NALF1: variants seen among roughly 807,000 people sequenced by gnomAD.
NALF1 encodes NALCN channel auxiliary factor 1.
NALF1 carries 3 observed loss-of-function variants against 48.4 expected under a neutral mutation model. The observed-to-expected ratio is 0.06, with a 90% CI of 0.03 to 0.16. The LOEUF is 0.16. Ranked by LOEUF, NALF1 falls within the 10% of genes least tolerant of loss-of-function variation. NALF1 has a pLI of 1.00. For synonymous variants in NALF1, 262 were observed against 245.7 expected, an observed-to-expected ratio of 1.07 and a Z score of -0.62; for missense variants, 526 against 571.5, an observed-to-expected ratio of 0.92 and a Z score of 0.81.
chr13:107,504,362 A>G (rs1169605452), intron 1 of NALF1, among the ~76,000 whole-genome samples: 1 of 152,002 alleles, frequency 6.6e-6, no homozygotes, highest in African/African-American at 2.4e-5. Flanking sequence ...TGGGATGTAC[A>G]GTGAGGATTA....
chr13:107,509,436 A>C (rs1233786772), intron 1 of NALF1, among the ~76,000 whole-genome samples: 1 of 152,168 alleles, frequency 6.6e-6, no homozygotes, highest in Admixed American at 6.5e-5. Flanking sequence ...GTAGCAAAAG[A>C]TTTATAAGAA....
At chr13:107,573,264 C>T (rs1486924082) in intron 1 of NALF1, among the ~76,000 whole-genome samples, 3 of 152,126 alleles carry the variant, frequency 2.0e-5, no homozygotes, top group African/African-American at 4.8e-5. Flanking sequence ...TACTTCTGCT[C>T]TTATTTATCT....
intron 1 of NALF1, among the ~76,000 whole-genome samples, chr13:107,395,761 T>C (rs762546277): frequency 8.5e-5 from 13 of 152,132 alleles, no homozygotes; most frequent in Non-Finnish European, 1.8e-4. Flanking sequence ...GCTTCTCTCA[T>C]AGACTTGTAG....
At chr13:107,691,802 G>A (rs1881575277) in intron 1 of NALF1, among the ~76,000 whole-genome samples, 1 of 152,134 alleles carries the variant, frequency 6.6e-6, no homozygotes, top group South Asian at 2.1e-4. Flanking sequence ...AACAAAAAGA[G>A]TATGTCAATA....
chr13:107,540,071 T>TACAC (rs1566384854), intron 1 of NALF1, among the ~76,000 whole-genome samples: 3 of 78,012 alleles, frequency 3.8e-5, no homozygotes, highest in African/African-American at 1.7e-4. Context: ...CACACACACA[T>TACAC]ACACATATTA....
In NALF1 at chr13:107,866,015, G is replaced by A. The variant is rs542147299; in HGVS notation, c.582C>T (p.Asn194=). 9 of 1,612,072 alleles carry A rather than the reference G, an allele frequency of 5.6e-6. No homozygotes were observed. The East Asian group carries it at 6.7e-5, about 12-fold the overall frequency. Residue 194 remains asparagine, a synonymous_variant, in exon 1 of 3, where the codon AAC becomes AAT. Coordinates refer to ENST00000375915, the MANE Select transcript of NALF1 (RefSeq NM_001080396.3). This position sits in a 1 kb window ranked among gnomAD's most constrained non-coding sequence, Gnocchi z 4.4. ...VENADAVCAR[N]WSRGAAGGDG... ...CCCCCCCGGCCGCCCCCCGACTCCA[G>A]TTCCTGGCGCACACCGCGTCCGCAT... is the stretch of plus-strand genomic sequence containing the variant.
intron 1 of NALF1, among the ~76,000 whole-genome samples, chr13:107,758,739 GA>G (rs1877187605): frequency 6.6e-6 from 1 of 151,954 alleles, no homozygotes; most frequent in African/African-American, 2.4e-5. Context: ...AAAATAAAAA[GA>G]AAAAGAAAAG....
chr13:107,594,427 C>G (rs185680678), intron 1 of NALF1, among the ~76,000 whole-genome samples: 41 of 152,082 alleles, frequency 2.7e-4, no homozygotes, highest in African/African-American at 8.9e-4. Context: ...CTGTGTCTCT[C>G]CTTCCCTCTT....
intron 1 of NALF1, among the ~76,000 whole-genome samples, chr13:107,720,866 C>CAT: frequency 6.6e-6 from 1 of 152,136 alleles, no homozygotes; most frequent in African/African-American, 2.4e-5. Flanking sequence ...CCAAAGGTTG[C>CAT]ATATATGCAT....
At chr13:107,567,335 A>G (rs568062995) in intron 1 of NALF1, among the ~76,000 whole-genome samples, 12 of 152,332 alleles carry the variant, frequency 7.9e-5, no homozygotes, top group African/African-American at 2.6e-4. Context: ...TCTAATGTTA[A>G]TATTATATTT....
chr13:107,653,248 A>T (rs558199391), intron 1 of NALF1, among the ~76,000 whole-genome samples: 1 of 150,110 alleles, frequency 6.7e-6, no homozygotes, highest in East Asian at 1.9e-4. Context: ...TTTTCATGTT[A>T]GTCCAATAAC....
At chr13:107,331,893 C>T (rs1882476070) in intron 1 of NALF1, among the ~76,000 whole-genome samples, 1 of 151,964 alleles carries the variant, frequency 6.6e-6, no homozygotes, top group African/African-American at 2.4e-5. Flanking sequence ...TTATTAGATG[C>T]TGAAGAGGAC....
chr13:107,805,042 A>C (rs558280113), intron 1 of NALF1, among the ~76,000 whole-genome samples: 3 of 152,312 alleles, frequency 2.0e-5, no homozygotes, highest in Non-Finnish European at 4.4e-5. Flanking sequence ...TAGGTCACTG[A>C]ATATATGTCA....
intron 1 of NALF1, among the ~76,000 whole-genome samples, chr13:107,748,488 A>G (rs1289805108): frequency 1.3e-5 from 2 of 152,222 alleles, no homozygotes; most frequent in Admixed American, 1.3e-4. Flanking sequence ...GAACACGATT[A>G]TTCTCCATTA....
intron 1 of NALF1, among the ~76,000 whole-genome samples, chr13:107,446,834 G>C (rs1409557958): frequency 6.6e-6 from 1 of 152,214 alleles, no homozygotes; most frequent in African/African-American, 2.4e-5. Context: ...TAATTGCAGA[G>C]TAAGTCATTT....
chr13:107,441,418 T>G (rs1884558525), intron 1 of NALF1, among the ~76,000 whole-genome samples: 1 of 152,150 alleles, frequency 6.6e-6, no homozygotes, highest in Non-Finnish European at 1.5e-5. Flanking sequence ...TATTCTAGGC[T>G]TTTGCATCAG....
Position 107,431,354 on chromosome 13 carries a change from T to C in NALF1, c.916-220599A>G, listed in dbSNP as rs532747847. ...AGGTCTCACTTGATTGATGTTTCAG[T>C]GTAACTATTAATGGTTTCTCCTAAA... On this transcript the variant is annotated intron_variant, in intron 1 of 2. Transcript: ENST00000375915. Among the ~76,000 whole-genome samples, 8 of 152,286 alleles carry C rather than the reference T, an allele frequency of 5.3e-5. No individual in the cohort carries two copies. In the East Asian group the frequency reaches 9.7e-4, roughly 18 times the overall value.
chr13:107,802,662 A>G (rs1470363699), intron 1 of NALF1, among the ~76,000 whole-genome samples: 3 of 151,540 alleles, frequency 2.0e-5, no homozygotes, highest in Non-Finnish European at 4.4e-5. Flanking sequence ...GACAAGAGCC[A>G]TGTTTTTTTA....
intron 1 of NALF1, among the ~76,000 whole-genome samples, chr13:107,268,777 G>T (rs988715469): frequency 6.6e-6 from 1 of 152,180 alleles, no homozygotes; most frequent in Admixed American, 6.5e-5. Context: ...CCAGTCAAAA[G>T]AAGCAGTGTG....
Sources: gnomAD v4.1 joint callset for allele counts (sites outside exome capture counted in the v4.1 genomes callset) on GRCh38, gnomAD v4.1.1 for gene constraint, Gnocchi (gnomAD v3.1) non-coding constraint, MANE v1.5 for transcripts, NCBI Gene and HGNC (gene_info 2026-07-23, HGNC 2026-07-21) for gene names.